Variants in ARHGAP25 observed in about 807,000 individuals in gnomAD.
The protein encoded by ARHGAP25 is Rho GTPase activating protein 25, also known as rho GTPase-activating protein 25.
Under a neutral mutation model 71.0 loss-of-function variants are expected in ARHGAP25, and 34 were observed. The ratio of observed to expected loss-of-function variants is 0.48; its 90% CI spans 0.36 to 0.64. The LOEUF (loss-of-function observed/expected upper bound fraction) is 0.64. ARHGAP25 is among the 30% of genes least tolerant of loss of function. The pLI, the probability that ARHGAP25 is intolerant of heterozygous loss-of-function variation, is 0.00. For missense variants in ARHGAP25, 706 were observed against 805.1 expected (o/e 0.88, Z 1.49); for synonymous variants, 282 against 296.5 (o/e 0.95, Z 0.50).
chr2:68,791,409 G>A (rs1679165027), intron 4 of ARHGAP25, among the ~76,000 whole-genome samples: 2 of 152,124 alleles, frequency 1.3e-5, no homozygotes, highest in African/African-American at 4.8e-5. Flanking sequence ...AGCTCCCTCA[G>A]TAGGCTCTTC....
chr2:68,813,139 T>C, intron 5 of ARHGAP25, 148 bp from the exon 6 acceptor site: 1 of 800,542 alleles, frequency 1.2e-6, no homozygotes, highest in Non-Finnish European at 1.8e-6. Context: ...AATGTTTTGG[T>C]CTGATTCTTC....
At chr2:68,779,778 C>T (rs550092456) in intron 2 of ARHGAP25, among the ~76,000 whole-genome samples, 2 of 152,346 alleles carry the variant, frequency 1.3e-5, no homozygotes, top group African/African-American at 2.4e-5. Flanking sequence ...TTGGGCCCTT[C>T]CCTTCCTGGA....
chr2:68,815,537 G>A (rs1484404462), intron 6 of ARHGAP25, among the ~76,000 whole-genome samples: 1 of 130,570 alleles, frequency 7.7e-6, no homozygotes, highest in Non-Finnish European at 1.5e-5. Flanking sequence ...TGCAATCTCC[G>A]CCTTCCGGTT....
intron 1 of ARHGAP25, among the ~76,000 whole-genome samples, chr2:68,753,775 AGAACTTG>A (rs1676319743): frequency 6.6e-6 from 1 of 152,204 alleles, no homozygotes; most frequent in Admixed American, 6.5e-5. Context: ...TCAGAACTTC[AGAACTTG>A]CATTATCTGT....
chr2:68,814,207 TAGATTTA>T, intron 6 of ARHGAP25, among the ~76,000 whole-genome samples: 1 of 152,372 alleles, frequency 6.6e-6, no homozygotes, highest in Non-Finnish European at 1.5e-5. Context: ...TAATGAGACC[TAGATTTA>T]ACCTTGATTT....
chr2:68,801,941 ACT>A (rs548028951), intron 4 of ARHGAP25, among the ~76,000 whole-genome samples: 30 of 152,170 alleles, frequency 2.0e-4, no homozygotes, highest in Non-Finnish European at 3.5e-4. Flanking sequence ...TTCCTTTCAT[ACT>A]CTCTAACTAT....
chr2:68,719,217 A>G (rs971002983), intron 2 of ARHGAP25, among the ~76,000 whole-genome samples: 1 of 152,122 alleles, frequency 6.6e-6, no homozygotes, highest in African/African-American at 2.4e-5. Context: ...TATCAACCCC[A>G]AGGAGAGGGT....
At chr2:68,771,847 T>C (rs1280063989) in intron 1 of ARHGAP25, among the ~76,000 whole-genome samples, 3 of 152,208 alleles carry the variant, frequency 2.0e-5, no homozygotes, top group Admixed American at 6.5e-5. Context: ...TGGTTGGATG[T>C]AGAGTGAGTG....
At position 68,767,714 on chromosome 2, in the gene ARHGAP25, G is replaced by A. The variant is rs1487021828; in HGVS notation, c.62-7507G>A. ...CGTGGCAGGATTACCTAATATGTCC[G>A]TTTTCTTGTTGGGGTATCAGCACAG... On this transcript the variant is annotated intron_variant, in intron 1 of 10. Coordinates refer to ENST00000409202, the MANE Select transcript of ARHGAP25 (RefSeq NM_001007231.3). The surrounding 1 kb of genome is among the most constrained non-coding windows in gnomAD (Gnocchi z 4.6). 3.9e-5 allele frequency among the ~76,000 whole-genome samples: 6 copies of A among 152,140 alleles called. No homozygotes were observed. Among genetic ancestry groups the A allele is most frequent in the African/African-American group, 7.2e-5 (3 of 41,424 alleles).
intron 2 of ARHGAP25, among the ~76,000 whole-genome samples, chr2:68,777,725 GA>G (rs1370807754): frequency 6.6e-6 from 1 of 152,034 alleles, no homozygotes; most frequent in Non-Finnish European, 1.5e-5. Flanking sequence ...TTTCAGATAT[GA>G]AAAATAGAAA....
chr2:68,711,448 G>A (rs1205633563), intron 2 of ARHGAP25, among the ~76,000 whole-genome samples: 1 of 152,120 alleles, frequency 6.6e-6, no homozygotes, highest in African/African-American at 2.4e-5. Context: ...GCAATGGCAT[G>A]AATTATTAGT....
intron 1 of ARHGAP25, 86 bp downstream of exon 1, chr2:68,735,346 T>A: frequency 7.3e-7 from 1 of 1,361,306 alleles, no homozygotes; most frequent in Non-Finnish European, 1.0e-6. Context: ...GAGCATAGTC[T>A]ACTTAAAAAT....
At chr2:68,768,531 A>G (rs4854452) in intron 1 of ARHGAP25, among the ~76,000 whole-genome samples, 86,972 of 152,080 alleles carry the variant, frequency 0.57, 26,017 homozygotes, top group South Asian at 0.67. Context: ...TCCCAAGGAA[A>G]ACAGCACCCT....
At chr2:68,781,748 C>T (rs1406758777) in intron 2 of ARHGAP25, among the ~76,000 whole-genome samples, 1 of 152,222 alleles carries the variant, frequency 6.6e-6, no homozygotes, top group Non-Finnish European at 1.5e-5. Flanking sequence ...GGAAGGACTA[C>T]ATGAATAATA....
chr2:68,732,621 G>C (rs1258844424), upstream of ARHGAP25, among the ~76,000 whole-genome samples: 1 of 152,152 alleles, frequency 6.6e-6, no homozygotes, highest in Non-Finnish European at 1.5e-5. Context: ...TGGTGGATTG[G>C]AGTCTTGATC....
intron 1 of ARHGAP25, among the ~76,000 whole-genome samples, chr2:68,750,006 T>C (rs944965341): frequency 1.3e-5 from 2 of 152,286 alleles, no homozygotes; most frequent in Middle Eastern, 3.4e-3. Context: ...TGGCCCTTTT[T>C]TAAATTTTAT....
intron 1 of ARHGAP25, among the ~76,000 whole-genome samples, chr2:68,739,057 CA>C (rs1675375934): frequency 6.6e-6 from 1 of 152,326 alleles, no homozygotes; most frequent in African/African-American, 2.4e-5. Context: ...GCCTTCTGGC[CA>C]TTTGAGGAAA....
chr2:68,818,086 A>G, intron 8 of ARHGAP25, 92 bp downstream of exon 8: 2 of 1,506,500 alleles, frequency 1.3e-6, no homozygotes, highest in South Asian at 2.3e-5. Flanking sequence ...TAGTTTCCCA[A>G]GCATTTTAAG....
chr2:68,771,280 G>A (rs890616480), intron 1 of ARHGAP25, among the ~76,000 whole-genome samples: 12 of 151,938 alleles, frequency 7.9e-5, no homozygotes, highest in African/African-American at 2.4e-4. Flanking sequence ...ACCTTTCCCC[G>A]CCCTGGTCTG....
Sources: allele counts gnomAD v4.1 joint callset (sites outside exome capture counted in the v4.1 genomes callset), GRCh38; gene constraint gnomAD v4.1.1; non-coding constraint Gnocchi (gnomAD v3.1); transcripts MANE v1.5; gene names NCBI Gene and HGNC (gene_info 2026-07-23, HGNC 2026-07-21).